SLC26A8: variants seen among roughly 807,000 people sequenced by gnomAD.
SLC26A8 encodes solute carrier family 26 member 8, also known as testis anion transporter 1.
A neutral mutation model predicts 105.0 loss-of-function variants in SLC26A8; 70 were observed. The ratio of observed to expected loss-of-function variants is 0.67; its 90% confidence interval spans 0.55 to 0.81. SLC26A8 has a LOEUF of 0.81. Among genes scored for constraint, SLC26A8 ranks in the 40% least tolerant of loss-of-function variants. SLC26A8 has a pLI of 0.00. For synonymous variants in SLC26A8, 415 were observed against 438.3 expected (o/e 0.95, Z 0.66); for missense variants, 998 against 1,181.8 (o/e 0.84, Z 2.28).
intron 7 of SLC26A8, among the ~76,000 whole-genome samples, chr6:35,990,768 T>A (rs907034704): frequency 4.6e-5 from 7 of 152,212 alleles, no homozygotes; most frequent in Non-Finnish European, 8.8e-5. Flanking sequence ...AGTGAATAAC[T>A]GAAAATACTA....
chr6:35,959,582 C>A lies in SLC26A8; in HGVS notation c.1741G>T (p.Val581Leu), dbSNP rs534402044. 4 of 1,612,876 alleles carry A rather than the reference C, an allele frequency of 2.5e-6. No homozygotes were observed. The African/African-American group carries it at 4.0e-5, about 16-fold the overall frequency. The stretch of plus-strand genomic sequence containing the variant: ...TCTTCTTCTTTAAGAGGCACCTTTA[C>A]CATATCAACCTGAAAGACATGAGAG... ...KHKLLKEVDM[V>L]KVPLKEEEIF... Residue 581 changes from valine to leucine, a missense_variant, in exon 16 of 20, where the codon GTA becomes TTA. Coordinates refer to ENST00000490799, the MANE Select transcript of SLC26A8 (RefSeq NM_052961.4).
chr6:36,012,131 AT>A (rs1479655870), intron 3 of SLC26A8, 101 bp downstream of exon 3: 50 of 1,434,394 alleles, frequency 3.5e-5, no homozygotes, highest in South Asian at 5.3e-5. Context: ...AAAATTCAAT[AT>A]TTTTTTTCTA....
At chr6:36,017,250 A>G (rs536347067) in intron 2 of SLC26A8, among the ~76,000 whole-genome samples, 1 of 152,178 alleles carries the variant, frequency 6.6e-6, no homozygotes, top group South Asian at 2.1e-4. Context: ...ATCTTGTATG[A>G]TCTTGAATTT....
At chr6:35,999,413 A>G (rs9470192) in intron 4 of SLC26A8, among the ~76,000 whole-genome samples, 65,553 of 152,014 alleles carry the variant, frequency 0.43, 14,255 homozygotes, top group South Asian at 0.56. Context: ...TTTGATTTCT[A>G]TGCAGGCTCA....
intron 16 of SLC26A8, among the ~76,000 whole-genome samples, chr6:35,957,861 C>T (rs1772144671): frequency 6.6e-6 from 1 of 152,168 alleles, no homozygotes; most frequent in Non-Finnish European, 1.5e-5. Context: ...CTGCCTCGGC[C>T]TCCCAAAGTT....
chr6:36,019,557 T>G lies in SLC26A8; in HGVS notation c.151A>C (p.Ile51Leu). The change falls in exon 2 of 20, where the codon ATC becomes CTC. Residue 51 changes from isoleucine to leucine, a missense_variant. Ile to Leu is a conservative substitution (Grantham distance 5, BLOSUM62 2). Coordinates refer to ENST00000490799, the MANE Select transcript of SLC26A8 (RefSeq NM_052961.4). ...RKASSSGNMNINITTFRHHVQ... is the reference protein window; with the variant it reads ...RKASSSGNMNLNITTFRHHVQ... ...TGGTGTCTGAAGGTGGTGATGTTGA[T>G]GTTCATGTTCCCAGAAGAGGAGGCC... 1 of 1,614,090 alleles carries G rather than the reference T, an allele frequency of 6.2e-7. No individual in the cohort carries two copies. The highest frequency in any genetic ancestry group is 8.5e-7 in the Non-Finnish European group (1 of 1,180,018).
chr6:35,997,920 C>T lies in SLC26A8; in HGVS notation c.446-1G>A. On this transcript the variant is annotated splice_acceptor_variant, in intron 4 of 19. Coordinates refer to ENST00000490799, the MANE Select transcript of SLC26A8 (RefSeq NM_052961.4). LOFTEE classifies it high-confidence loss of function. ...AGAGCACTCACCAGGAAGAAGGAAC[C>T]TGTGGAAGAAGATGTTAGGTAGAAG... 6.2e-7 allele frequency: 1 copy of T among 1,613,248 alleles called. No homozygotes were observed. The highest frequency in any genetic ancestry group is 8.5e-7 in the Non-Finnish European group (1 of 1,179,596).
intron 9 of SLC26A8, among the ~76,000 whole-genome samples, chr6:35,975,933 A>AG (rs1773000818): frequency 6.6e-6 from 1 of 151,734 alleles, no homozygotes; most frequent in Non-Finnish European, 1.5e-5. Flanking sequence ...AAAAAAAAAA[A>AG]AATTAGAACA....
In SLC26A8 at chr6:35,978,844, CT is replaced by C. The variant is rs370881691; in HGVS notation, c.1026-1494del. Among the ~76,000 whole-genome samples the C allele has an allele frequency of 3.4e-3, 477 of 140,728 alleles. 2 individuals are homozygous for C. The highest frequency in any genetic ancestry group is 8.1e-3 in the African/African-American group (316 of 38,774). 92.3% of individuals were successfully genotyped at this position (140,728 alleles called of 152,430 possible). On this transcript the variant is annotated intron_variant, in intron 8 of 19. Coordinates refer to ENST00000490799, the MANE Select transcript of SLC26A8 (RefSeq NM_052961.4). ...TTCTTCTTTCCTTCTTCTTCTTCTT[CT>C]TTTTTTTTTTTTATATTGAGACCAG...
At chr6:35,966,839 T>C (rs1339250818) in intron 11 of SLC26A8, among the ~76,000 whole-genome samples, 1 of 152,198 alleles carries the variant, frequency 6.6e-6, no homozygotes, top group African/African-American at 2.4e-5. Context: ...TAATGTGATG[T>C]AATATGGCTA....
chr6:35,978,790 T>G (rs1161758366), intron 8 of SLC26A8, among the ~76,000 whole-genome samples: 1 of 151,834 alleles, frequency 6.6e-6, no homozygotes, highest in Non-Finnish European at 1.5e-5. Context: ...TAAATATCAT[T>G]TTCTTCACCA....
intron 3 of SLC26A8, among the ~76,000 whole-genome samples, chr6:36,011,060 T>C (rs1189990086): frequency 6.6e-6 from 1 of 152,198 alleles, no homozygotes; most frequent in East Asian, 1.9e-4. Flanking sequence ...GCTTCAACCC[T>C]GCCTGTTGAG....
chr6:35,986,933 G>C (rs1360665890), intron 7 of SLC26A8, among the ~76,000 whole-genome samples: 1 of 152,142 alleles, frequency 6.6e-6, no homozygotes, highest in Non-Finnish European at 1.5e-5. Flanking sequence ...GCGAACATGA[G>C]AGTGCAGGTA....
intron 11 of SLC26A8, among the ~76,000 whole-genome samples, chr6:35,967,320 C>T (rs538656653): frequency 8.3e-4 from 126 of 152,240 alleles, no homozygotes; most frequent in African/African-American, 2.6e-3. Context: ...ACAGCCACCT[C>T]GGTGTGTAAC....
intron 3 of SLC26A8, among the ~76,000 whole-genome samples, chr6:36,003,684 CAG>C (rs201977221): frequency 0.012 from 1,645 of 142,586 alleles, 32 homozygotes; most frequent in African/African-American, 0.034. Flanking sequence ...TTTTTTGAGA[CAG>C]AGTCTCACTC....
intron 1 of SLC26A8, among the ~76,000 whole-genome samples, chr6:36,023,779 A>C (rs1258183761): frequency 6.6e-6 from 1 of 152,174 alleles, no homozygotes; most frequent in Admixed American, 6.5e-5. Flanking sequence ...TACACCTGTT[A>C]CTACCTAGGT....
At chr6:35,975,633 GC>G in intron 9 of SLC26A8, 145 bp from the exon 10 acceptor site, 1 of 579,652 alleles carries the variant, frequency 1.7e-6, no homozygotes, top group South Asian at 2.2e-5. Flanking sequence ...TTATTAGAAG[GC>G]CGGATGAGGT....
At chr6:35,999,853 A>G in intron 4 of SLC26A8, 139 bp downstream of exon 4, 1 of 595,524 alleles carries the variant, frequency 1.7e-6, no homozygotes, top group Non-Finnish European at 3.0e-6. Flanking sequence ...CAATCTGAAC[A>G]CTAACTGTAT....
rs1011341708 is a variant in SLC26A8, at chr6:36,016,968, T to C, written c.188+2552A>G. On this transcript the variant is annotated intron_variant, in intron 2 of 19. Coordinates refer to ENST00000490799, the MANE Select transcript of SLC26A8 (RefSeq NM_052961.4). Reference sequence around the variant, plus strand: ...AAGCGGATCACTTGAGGTCAGGAATTTGAGACCAGCCTGACCAATTTGATG... The same window carrying C: ...AAGCGGATCACTTGAGGTCAGGAATCTGAGACCAGCCTGACCAATTTGATG... Among the ~76,000 whole-genome samples the C allele has an allele frequency of 2.0e-5, 3 of 152,148 alleles. No homozygotes were observed. The South Asian group carries it at 6.2e-4, about 32-fold the overall frequency.
Sources: gnomAD v4.1 joint callset for allele counts (sites outside exome capture counted in the v4.1 genomes callset) on GRCh38, gnomAD v4.1.1 for gene constraint, MANE v1.5 for transcripts, NCBI Gene and HGNC (gene_info 2026-07-23, HGNC 2026-07-21) for gene names.